Variants in TMTC2 observed in about 807,000 individuals in gnomAD.
The protein encoded by TMTC2 is transmembrane O-mannosyltransferase targeting cadherins 2.
TMTC2 carries 43 observed loss-of-function variants against 82.4 expected under a neutral mutation model. The ratio of observed to expected loss-of-function variants is 0.52; its 90% confidence interval spans 0.41 to 0.67. TMTC2 has a LOEUF of 0.67. Ranked by LOEUF, TMTC2 falls within the 30% of genes least tolerant of loss-of-function variation. TMTC2 has a pLI of 0.00. For synonymous variants in TMTC2, 408 were observed against 381.9 expected (o/e 1.07, Z -0.80); for missense variants, 919 against 1,012.4 (o/e 0.91, Z 1.25).
chr12:82,695,868 T>C (rs1444251433), intron 1 of TMTC2, among the ~76,000 whole-genome samples: 1 of 152,220 alleles, frequency 6.6e-6, no homozygotes, highest in Non-Finnish European at 1.5e-5. Flanking sequence ...AATTAGCCTA[T>C]AGTGGTTCCT....
Position 82,784,146 on chromosome 12 carries a change from C to A in TMTC2, c.84-72864C>A, listed in dbSNP as rs199520459. On this transcript the variant is annotated intron_variant, in intron 1 of 11. Transcript: ENST00000321196. ...CTACATATATATTTAAAAATATACA[C>A]AAATAATACTTGAATAGTATATTTT... Among the ~76,000 whole-genome samples the A allele has an allele frequency of 3.3e-4, 50 of 151,920 alleles. 1 individual carries two copies. In the East Asian group the frequency reaches 9.3e-3, roughly 28 times the overall value.
intron 2 of TMTC2, among the ~76,000 whole-genome samples, chr12:82,894,357 T>C (rs559980245): frequency 2.0e-5 from 3 of 152,120 alleles, no homozygotes; most frequent in African/African-American, 7.2e-5. Flanking sequence ...GCAATCAGAG[T>C]TGGTGTGGAG....
chr12:82,975,669 T>C (rs985017291), intron 7 of TMTC2, among the ~76,000 whole-genome samples: 8 of 152,182 alleles, frequency 5.3e-5, no homozygotes, highest in Admixed American at 6.6e-5. Context: ...TATGGAGATA[T>C]AGTGCTTGAC....
At chr12:82,726,019 A>G (rs576977824) in intron 1 of TMTC2, among the ~76,000 whole-genome samples, 20 of 152,284 alleles carry the variant, frequency 1.3e-4, no homozygotes, top group Non-Finnish European at 2.2e-4. Context: ...ATGTTAATAG[A>G]GATTCTTTAC....
rs1871306205 is a variant in TMTC2 at position 82,857,277 on chromosome 12, CATGGCTGGCTTG to C, written c.355_366del (p.Ala119_Met122del). ...TCCTTGGTGATGGATACTGGACATT[CATGGCTGGCTTG>C]ATGTTTGCTTCTCACCCCATTCACA... On this transcript the variant is annotated inframe_deletion, in exon 2 of 12. Transcript: ENST00000321196. The C allele has an allele frequency of 6.2e-7, 1 of 1,614,168 alleles. No homozygotes were observed. Among genetic ancestry groups the C allele is most frequent in the Non-Finnish European group, 8.5e-7 (1 of 1,180,038 alleles).
At chr12:83,058,315 A>C (rs1882618072) in intron 10 of TMTC2, among the ~76,000 whole-genome samples, 2 of 151,906 alleles carry the variant, frequency 1.3e-5, no homozygotes, top group Non-Finnish European at 2.9e-5. Context: ...ACCAACCAAC[A>C]AAACAAAAAA....
Position 83,133,538 on chromosome 12 carries a change from T to G in TMTC2, c.*1149T>G, listed in dbSNP as rs780379214. ...CAACTTATTTGAAGCTGCAATAGAGTGTAGCATTAGCCTGCATGTTTCTAG... is the reference window on the plus strand; with the variant it reads ...CAACTTATTTGAAGCTGCAATAGAGGGTAGCATTAGCCTGCATGTTTCTAG... On this transcript the variant is annotated 3_prime_UTR_variant, in exon 12 of 12. Coordinates refer to ENST00000321196, the MANE Select transcript of TMTC2 (RefSeq NM_152588.3). 1.3e-5 allele frequency: 2 copies of G among 152,198 alleles called. No individual in the cohort carries two copies. The highest frequency in any genetic ancestry group is 1.5e-5 in the Non-Finnish European group (1 of 68,026). The allele number at this position is 152,198 out of a possible 1,614,324, so 9.4% of individuals were successfully genotyped here.
chr12:82,887,600 A>G (rs951563946), intron 2 of TMTC2, among the ~76,000 whole-genome samples: 3 of 152,150 alleles, frequency 2.0e-5, no homozygotes, highest in Non-Finnish European at 2.9e-5. Flanking sequence ...TAAGTTGTCA[A>G]CCAGGAACCT....
At chr12:82,901,354 G>C (rs1874011206) in intron 3 of TMTC2, among the ~76,000 whole-genome samples, 1 of 144,342 alleles carries the variant, frequency 6.9e-6, no homozygotes, top group East Asian at 2.0e-4. Context: ...GCCCAGGCTG[G>C]CATGCAGTGG....
rs1183354762 is a variant in TMTC2 at position 83,026,726 on chromosome 12, G to GTC, written c.2071-4071_2071-4070insCT. Among the ~76,000 whole-genome samples the GTC allele has an allele frequency of 2.0e-5, 3 of 151,622 alleles. No homozygotes were observed. In the East Asian group the frequency reaches 5.8e-4, roughly 30 times the overall value. ...AAGGAGTGTGTGTGTGTGTGTGTGT[G>GTC]TGTGTGTGTGTGTGTGAAAATACGT... On this transcript the variant is annotated intron_variant, in intron 8 of 11. Transcript: ENST00000321196.
At chr12:82,716,924 G>C (rs936040986) in intron 1 of TMTC2, among the ~76,000 whole-genome samples, 2 of 152,140 alleles carry the variant, frequency 1.3e-5, no homozygotes, top group African/African-American at 4.8e-5. Flanking sequence ...ACAGGGCTCT[G>C]CAGTGAGAAA....
intron 11 of TMTC2, among the ~76,000 whole-genome samples, chr12:83,095,491 C>T (rs571806473): frequency 1.3e-5 from 2 of 152,182 alleles, no homozygotes; most frequent in East Asian, 1.9e-4. Flanking sequence ...CCACCCGCCT[C>T]GGCCTCCCAA....
intron 1 of TMTC2, among the ~76,000 whole-genome samples, chr12:82,715,193 C>T (rs1193497801): frequency 6.6e-6 from 1 of 151,624 alleles, no homozygotes; most frequent in Admixed American, 6.6e-5. Flanking sequence ...TTGCTTGAAC[C>T]CGAGAGGTGG....
intron 7 of TMTC2, among the ~76,000 whole-genome samples, chr12:82,970,296 A>G (rs1373437815): frequency 6.6e-6 from 1 of 152,286 alleles, no homozygotes; most frequent in African/African-American, 2.4e-5. Context: ...TAAGTGTTTT[A>G]TAACGGGACT....
At chr12:83,045,173 G>T (rs958119901) in intron 9 of TMTC2, among the ~76,000 whole-genome samples, 1 of 152,152 alleles carries the variant, frequency 6.6e-6, no homozygotes, top group South Asian at 2.1e-4. Flanking sequence ...CCCATGAGGA[G>T]ATTTTATGCT....
chr12:83,025,996 C>T (rs1881156312), intron 8 of TMTC2, among the ~76,000 whole-genome samples: 1 of 152,132 alleles, frequency 6.6e-6, no homozygotes, highest in Non-Finnish European at 1.5e-5. Flanking sequence ...TCCTGTAATT[C>T]AGGGATATTT....
At chr12:82,714,420 T>C (rs1464736956) in intron 1 of TMTC2, among the ~76,000 whole-genome samples, 1 of 152,244 alleles carries the variant, frequency 6.6e-6, no homozygotes, top group African/African-American at 2.4e-5. Context: ...TTAAATGTAG[T>C]AGAGTGCTTC....
At chr12:83,026,626 G>A (rs186165715) in intron 8 of TMTC2, among the ~76,000 whole-genome samples, 2 of 151,704 alleles carry the variant, frequency 1.3e-5, no homozygotes, top group East Asian at 3.9e-4. Context: ...AACAATTTAA[G>A]CTGAAGCCAT....
intron 1 of TMTC2, among the ~76,000 whole-genome samples, chr12:82,700,500 G>A (rs1873022886): frequency 6.6e-6 from 1 of 152,122 alleles, no homozygotes; most frequent in Non-Finnish European, 1.5e-5. Context: ...AAAGATTTCA[G>A]TGAACTATAA....
Sources: allele counts gnomAD v4.1 joint callset (sites outside exome capture counted in the v4.1 genomes callset), GRCh38; gene constraint gnomAD v4.1.1; transcripts MANE v1.5; gene names NCBI Gene and HGNC (gene_info 2026-07-23, HGNC 2026-07-21).